The following KCNB2 variants were observed in gnomAD, a reference collection of about 807,000 sequenced individuals.
The protein encoded by KCNB2 is potassium voltage-gated channel subfamily B member 2.
Under a neutral mutation model 61.5 loss-of-function variants are expected in KCNB2, and 15 were observed. The ratio of observed to expected loss-of-function variants is 0.24; its 90% CI spans 0.16 to 0.38. The LOEUF (loss-of-function observed/expected upper bound fraction) is 0.38. KCNB2 is among the 10% of genes least tolerant of loss of function. The pLI is 1.00. For missense variants in KCNB2, 828 were observed against 1,125.2 expected (o/e 0.74, Z 3.78); for synonymous variants, 457 against 446.0 (o/e 1.02, Z -0.31).
chr8:72,598,790 A>T lies in KCNB2; in HGVS notation c.579+30477A>T, dbSNP rs577794264. 3.3e-5 allele frequency among the ~76,000 whole-genome samples: 5 copies of T among 152,332 alleles called. No homozygotes were observed. The South Asian group carries it at 1.0e-3, about 32-fold the overall frequency. Reference sequence around the variant, plus strand: ...AAATCAATGTGCAAAAATCACAAGCATTCTTATACACCAATAAGAGACAGA... The same window carrying T: ...AAATCAATGTGCAAAAATCACAAGCTTTCTTATACACCAATAAGAGACAGA... On this transcript the variant is annotated intron_variant, in intron 2 of 2. Coordinates refer to ENST00000523207, the MANE Select transcript of KCNB2 (RefSeq NM_004770.3).
At chr8:72,752,473 CCTT>C (rs1419480621) in intron 2 of KCNB2, among the ~76,000 whole-genome samples, 2 of 152,108 alleles carry the variant, frequency 1.3e-5, no homozygotes, top group African/African-American at 4.8e-5. Flanking sequence ...AGGAATTTGT[CCTT>C]CTTTTCTCCC....
At chr8:72,840,213 A>T (rs138442028) in intron 2 of KCNB2, among the ~76,000 whole-genome samples, 2,050 of 152,196 alleles carry the variant, frequency 0.013, 53 homozygotes, top group African/African-American at 0.047. Flanking sequence ...TTCCACCTTC[A>T]TTCATGTCCC....
chr8:72,913,609 G>A (rs1806339216), intron 2 of KCNB2, among the ~76,000 whole-genome samples: 1 of 152,090 alleles, frequency 6.6e-6, no homozygotes, highest in Non-Finnish European at 1.5e-5. Flanking sequence ...CTGGCATTCC[G>A]AGGATGGATG....
intron 2 of KCNB2, among the ~76,000 whole-genome samples, chr8:72,801,992 A>G (rs1809140949): frequency 6.6e-6 from 1 of 152,220 alleles, no homozygotes; most frequent in African/African-American, 2.4e-5. Flanking sequence ...TTCCTTATCA[A>G]ACCTCTGTAA....
intron 1 of KCNB2, among the ~76,000 whole-genome samples, chr8:72,566,846 G>T (rs1429801111): frequency 6.6e-6 from 1 of 152,124 alleles, no homozygotes; most frequent in Non-Finnish European, 1.5e-5. Context: ...AGCTATAATT[G>T]GTAAGACTTG....
At chr8:72,861,280 T>G (rs980817635) in intron 2 of KCNB2, among the ~76,000 whole-genome samples, 1 of 152,254 alleles carries the variant, frequency 6.6e-6, no homozygotes, top group Admixed American at 6.5e-5. Flanking sequence ...TTTTTCTGTG[T>G]ATTTCCAACC....
intron 2 of KCNB2, among the ~76,000 whole-genome samples, chr8:72,734,740 G>T (rs138488616): frequency 1.3e-5 from 2 of 152,266 alleles, no homozygotes; most frequent in Non-Finnish European, 2.9e-5. Context: ...GTGAAGACGT[G>T]CTCTAGGGGA....
intron 2 of KCNB2, among the ~76,000 whole-genome samples, chr8:72,649,169 T>A (rs949533040): frequency 1.3e-5 from 2 of 152,188 alleles, no homozygotes; most frequent in Admixed American, 6.5e-5. Flanking sequence ...TAAATTGTGC[T>A]TTTTTGACAT....
intron 2 of KCNB2, among the ~76,000 whole-genome samples, chr8:72,704,500 GGTGT>G (rs10524175): frequency 0.23 from 33,247 of 147,426 alleles, 4,590 homozygotes; most frequent in Non-Finnish European, 0.32. Context: ...AGAGAAAGCT[GGTGT>G]GTGTGTGTGT....
chr8:72,620,855 G>A (rs889369043), intron 2 of KCNB2, among the ~76,000 whole-genome samples: 1 of 152,078 alleles, frequency 6.6e-6, no homozygotes, highest in Admixed American at 6.6e-5. Context: ...TGATCCACCC[G>A]CCTCGGCCTC....
chr8:72,675,171 G>A (rs1312526681), intron 2 of KCNB2, among the ~76,000 whole-genome samples: 2 of 152,028 alleles, frequency 1.3e-5, no homozygotes, highest in Non-Finnish European at 2.9e-5. Context: ...GTATATCTAG[G>A]TATATTGGAA....
chr8:72,927,455 G>A (rs1376599120), intron 2 of KCNB2, among the ~76,000 whole-genome samples: 1 of 152,044 alleles, frequency 6.6e-6, no homozygotes, highest in African/African-American at 2.4e-5. Context: ...ATGTTTAGTA[G>A]AGACAGGGTT....
At chr8:72,932,549 G>A (rs1425667707) in intron 2 of KCNB2, among the ~76,000 whole-genome samples, 1 of 152,062 alleles carries the variant, frequency 6.6e-6, no homozygotes, top group African/African-American at 2.4e-5. Flanking sequence ...AACAGGTCCT[G>A]TTAAGAATTC....
At chr8:72,792,495 A>G (rs1338317622) in intron 2 of KCNB2, among the ~76,000 whole-genome samples, 2 of 152,220 alleles carry the variant, frequency 1.3e-5, no homozygotes, top group African/African-American at 4.8e-5. Context: ...TGTATTTAAC[A>G]GATTTTCCCC....
At chr8:72,742,548 C>T (rs1178109008) in intron 2 of KCNB2, among the ~76,000 whole-genome samples, 1 of 152,212 alleles carries the variant, frequency 6.6e-6, no homozygotes, top group Non-Finnish European at 1.5e-5. Flanking sequence ...CCTGCTGCCT[C>T]TCTGGCTGGC....
chr8:72,693,302 T>G (rs558708716), intron 2 of KCNB2, among the ~76,000 whole-genome samples: 10 of 152,330 alleles, frequency 6.6e-5, no homozygotes, highest in African/African-American at 1.9e-4. Context: ...GTCTCTGTTC[T>G]TTGAACAAAG....
At chr8:72,586,670 G>A (rs991780774) in intron 2 of KCNB2, among the ~76,000 whole-genome samples, 27 of 152,180 alleles carry the variant, frequency 1.8e-4, no homozygotes, top group African/African-American at 6.5e-4. Context: ...TTTTGAGGAT[G>A]AAAAACTAAA....
chr8:72,797,493 T>A (rs1415781218), intron 2 of KCNB2, among the ~76,000 whole-genome samples: 1 of 152,224 alleles, frequency 6.6e-6, no homozygotes, highest in Non-Finnish European at 1.5e-5. Flanking sequence ...CACAAGAGTT[T>A]AGCTTTTACC....
At position 72,699,137 on chromosome 8, in the gene KCNB2, G is replaced by T. The variant is rs1003290396; in HGVS notation, c.579+130824G>T. On this transcript the variant is annotated intron_variant, in intron 2 of 2. Transcript: ENST00000523207. ...AAGGTATGACATCTATAATCTATAA[G>T]GAACTTAAAGAATTCAATAAGCAAA... Among the ~76,000 whole-genome samples the T allele has an allele frequency of 5.3e-5, 8 of 152,202 alleles. No individual in the cohort carries two copies. In the South Asian group the frequency reaches 1.5e-3, roughly 28 times the overall value.
Sources: gnomAD v4.1 joint callset for allele counts (sites outside exome capture counted in the v4.1 genomes callset) on GRCh38, gnomAD v4.1.1 for gene constraint, MANE v1.5 for transcripts, NCBI Gene and HGNC (gene_info 2026-07-23, HGNC 2026-07-21) for gene names.